The following PACRG variants were observed in gnomAD, a reference collection of about 807,000 sequenced individuals.
PACRG encodes the protein parkin coregulated gene protein.
A neutral mutation model predicts 29.7 loss-of-function variants in PACRG; 29 were observed. The ratio of observed to expected loss-of-function variants is 0.98; its 90% CI spans 0.73 to 1.33. The LOEUF (loss-of-function observed/expected upper bound fraction) is 1.33, where lower values mean the gene tolerates loss of function less well. PACRG is among the 40% of genes most tolerant of loss of function. PACRG has a pLI of 0.00. For synonymous variants in PACRG, 116 were observed against 118.7 expected (o/e 0.98, Z 0.15); for missense variants, 279 against 316.2 (o/e 0.88, Z 0.89).
At chr6:162,763,605 A>T (rs1428196988) in intron 1 of PACRG, among the ~76,000 whole-genome samples, 1 of 152,226 alleles carries the variant, frequency 6.6e-6, no homozygotes, top group African/African-American at 2.4e-5. Context: ...CAGTATTTCA[A>T]CTATTGATAA....
chr6:162,928,103 G>A (rs922928344), intron 2 of PACRG, among the ~76,000 whole-genome samples: 16 of 151,976 alleles, frequency 1.1e-4, no homozygotes, highest in African/African-American at 3.9e-4. Flanking sequence ...TCTGTGTTTG[G>A]TCTTTTTTAA....
At chr6:163,130,042 G>A (rs960750386) in intron 4 of PACRG, among the ~76,000 whole-genome samples, 4 of 152,174 alleles carry the variant, frequency 2.6e-5, no homozygotes, top group Non-Finnish European at 5.9e-5. Context: ...GGTTCCTGGG[G>A]ACATAGTGGG....
At chr6:162,876,494 C>T (rs943892153) in intron 2 of PACRG, among the ~76,000 whole-genome samples, 8 of 152,096 alleles carry the variant, frequency 5.3e-5, no homozygotes, top group South Asian at 4.1e-4. Context: ...GTTTGATGGC[C>T]GCATAAATGC....
intron 4 of PACRG, among the ~76,000 whole-genome samples, chr6:163,272,962 G>C (rs991830478): frequency 4.4e-5 from 6 of 136,422 alleles, no homozygotes; most frequent in African/African-American, 1.9e-4. Flanking sequence ...CGGGATCTCG[G>C]CTCACTGCAA....
chr6:162,869,695 G>C (rs1018908987), intron 2 of PACRG, among the ~76,000 whole-genome samples: 6 of 152,168 alleles, frequency 3.9e-5, no homozygotes, highest in Admixed American at 3.9e-4. Context: ...AAGCTAGACA[G>C]TTGGAAGTAG....
At chr6:163,116,588 G>GA (rs143877195) in intron 4 of PACRG, among the ~76,000 whole-genome samples, 3,653 of 152,260 alleles carry the variant, frequency 0.024, 162 homozygotes, top group African/African-American at 0.083. Flanking sequence ...TGACGGAAAT[G>GA]AAAATGTTAG....
At chr6:163,105,928 GAGATTATTGACTTGTTAATTTGT>G (rs1425951349) in intron 4 of PACRG, among the ~76,000 whole-genome samples, 1 of 152,092 alleles carries the variant, frequency 6.6e-6, no homozygotes, top group Non-Finnish European at 1.5e-5. Flanking sequence ...AATTTTTAAT[GAGATTATTGACTTGTTAATTTGT>G]AGATTATTGA....
At chr6:163,254,514 C>T (rs1372549720) in intron 4 of PACRG, among the ~76,000 whole-genome samples, 4 of 152,322 alleles carry the variant, frequency 2.6e-5, no homozygotes, top group Non-Finnish European at 4.4e-5. Flanking sequence ...TGAGCCCTCC[C>T]GTCAGCACAT....
At chr6:163,260,520 GA>G (rs1218758965) in intron 4 of PACRG, among the ~76,000 whole-genome samples, 1 of 152,188 alleles carries the variant, frequency 6.6e-6, no homozygotes, top group African/African-American at 2.4e-5. Flanking sequence ...TGCTATTGTA[GA>G]AAACCGTGCC....
At chr6:163,170,886 C>G (rs1261214168) in intron 4 of PACRG, 1 of 152,184 alleles carries the variant, frequency 6.6e-6, no homozygotes, top group Non-Finnish European at 1.5e-5. Flanking sequence ...CTTACCAGTA[C>G]GAGTCCGTGT....
intron 2 of PACRG, chr6:162,957,481 A>G (rs957137040): frequency 1.8e-5 from 8 of 444,190 alleles, no homozygotes; most frequent in Non-Finnish European, 3.5e-5. Context: ...CCTTCTTGGG[A>G]TAAAGGTAGT....
chr6:163,302,260 T>G (rs994977317), intron 4 of PACRG, among the ~76,000 whole-genome samples: 6 of 63,620 alleles, frequency 9.4e-5, no homozygotes, highest in Admixed American at 5.6e-4. Flanking sequence ...TTTTTTTTGT[T>G]TTTTTTTTTG....
intron 4 of PACRG, among the ~76,000 whole-genome samples, chr6:163,269,939 G>GAAAAC (rs1399757150): frequency 7.0e-3 from 138 of 19,836 alleles, no homozygotes; most frequent in South Asian, 0.019. Context: ...AACAAAGAAA[G>GAAAAC]AAAGAAAGAA....
chr6:163,021,131 A>C (rs1377766644), intron 2 of PACRG, among the ~76,000 whole-genome samples: 2 of 152,062 alleles, frequency 1.3e-5, no homozygotes, highest in African/African-American at 2.4e-5. Context: ...TTCTCTCCCA[A>C]GTTCCAAAGT....
intron 4 of PACRG, among the ~76,000 whole-genome samples, chr6:163,125,737 G>A (rs1356297275): frequency 6.6e-6 from 1 of 152,166 alleles, no homozygotes; most frequent in Non-Finnish European, 1.5e-5. Flanking sequence ...AAATAAGCAT[G>A]ATGTTTTTGA....
At chr6:163,052,784 A>G (rs1810154998) in intron 2 of PACRG, among the ~76,000 whole-genome samples, 1 of 152,208 alleles carries the variant, frequency 6.6e-6, no homozygotes, top group Non-Finnish European at 1.5e-5. Context: ...TCACTGTCTT[A>G]CACATTTGTT....
intron 1 of PACRG, among the ~76,000 whole-genome samples, chr6:162,741,509 ATCTCTCTC>A (rs57619507): frequency 6.7e-6 from 1 of 149,210 alleles, no homozygotes; most frequent in Non-Finnish European, 1.5e-5. Context: ...TGAGGAGAGC[ATCTCTCTC>A]TCTCTCTCTC....
chr6:163,101,305 C>T (rs1815071533), intron 4 of PACRG: 1 of 983,178 alleles, frequency 1.0e-6, no homozygotes, highest in African/African-American at 1.7e-5. Flanking sequence ...GGTAATTTTC[C>T]CACTATTTTA....
intron 2 of PACRG, among the ~76,000 whole-genome samples, chr6:163,059,326 A>C (rs368304115): frequency 2.0e-5 from 3 of 152,172 alleles, no homozygotes; most frequent in South Asian, 4.1e-4. Context: ...GCAGGTACTC[A>C]GTATTTATTG....
Sources: gnomAD v4.1 joint callset for allele counts (sites outside exome capture counted in the v4.1 genomes callset) on GRCh38, gnomAD v4.1.1 for gene constraint, MANE v1.5 for transcripts, NCBI Gene and HGNC (gene_info 2026-07-23, HGNC 2026-07-21) for gene names.